The following PTPRJ variants were observed in gnomAD, a reference collection of about 807,000 sequenced individuals.
The protein encoded by PTPRJ is receptor-type tyrosine-protein phosphatase eta.
PTPRJ carries 129 observed loss-of-function variants against 141.3 expected under a neutral mutation model. That is an observed-to-expected ratio of 0.91 (90% CI 0.79 to 1.06). PTPRJ has a LOEUF of 1.06. Among genes scored for constraint, PTPRJ ranks in the 50% least tolerant of loss-of-function variants. The pLI, the probability that PTPRJ is intolerant of heterozygous loss-of-function variation, is 0.00. For missense variants in PTPRJ, 1,601 were observed against 1,679.7 expected, an observed-to-expected ratio of 0.95 and a Z score of 0.82; for synonymous variants, 610 against 640.5, an observed-to-expected ratio of 0.95 and a Z score of 0.72.
At chr11:48,008,132 T>C (rs1052074557) in intron 1 of PTPRJ, among the ~76,000 whole-genome samples, 11 of 152,198 alleles carry the variant, frequency 7.2e-5, no homozygotes, top group African/African-American at 1.4e-4. Context: ...AATCTGTTAC[T>C]TCTGGGGAAG....
intron 18 of PTPRJ, 64 bp downstream of exon 18, chr11:48,150,247 G>A: frequency 1.4e-6 from 2 of 1,400,350 alleles, no homozygotes; most frequent in Non-Finnish European, 2.0e-6. Flanking sequence ...GATCTGAGGG[G>A]AGTTGGTGGA....
At chr11:47,990,824 G>A (rs1034340980) in intron 1 of PTPRJ, among the ~76,000 whole-genome samples, 8 of 151,028 alleles carry the variant, frequency 5.3e-5, no homozygotes, top group East Asian at 1.9e-4. Flanking sequence ...GACTATAGGC[G>A]CCCGCCACTA....
At chr11:48,062,013 C>T (rs1323324039) in intron 1 of PTPRJ, among the ~76,000 whole-genome samples, 1 of 151,532 alleles carries the variant, frequency 6.6e-6, no homozygotes, top group East Asian at 1.9e-4. Context: ...CAAACGATCC[C>T]CCCACCTCAG....
intron 3 of PTPRJ, among the ~76,000 whole-genome samples, chr11:48,119,030 A>C (rs1856637359): frequency 6.6e-6 from 1 of 151,558 alleles, no homozygotes; most frequent in African/African-American, 2.4e-5. Context: ...AAAAAAAAAA[A>C]AAAAAAAAAA....
At chr11:48,009,269 A>G (rs1854710644) in intron 1 of PTPRJ, among the ~76,000 whole-genome samples, 1 of 152,242 alleles carries the variant, frequency 6.6e-6, no homozygotes, top group Non-Finnish European at 1.5e-5. Flanking sequence ...AGAAATTTAA[A>G]GACGCGAGCT....
intron 1 of PTPRJ, among the ~76,000 whole-genome samples, chr11:47,982,875 C>T (rs949922772): frequency 5.9e-5 from 9 of 151,860 alleles, no homozygotes; most frequent in East Asian, 3.9e-4. Flanking sequence ...TTCTGTAGAA[C>T]CTCAAAAGGA....
At chr11:48,000,974 C>A (rs1187456975) in intron 1 of PTPRJ, among the ~76,000 whole-genome samples, 1 of 148,794 alleles carries the variant, frequency 6.7e-6, no homozygotes, top group Non-Finnish European at 1.5e-5. Flanking sequence ...CTCTTCCAGT[C>A]CCATATAATT....
chr11:47,999,520 G>A (rs2134188155), intron 1 of PTPRJ, among the ~76,000 whole-genome samples: 1 of 152,300 alleles, frequency 6.6e-6, no homozygotes. Flanking sequence ...GCCCCTTTAA[G>A]TGGGCTCTTC....
At chr11:48,038,672 A>G (rs1241356188) in intron 1 of PTPRJ, among the ~76,000 whole-genome samples, 1 of 151,440 alleles carries the variant, frequency 6.6e-6, no homozygotes, top group Non-Finnish European at 1.5e-5. Flanking sequence ...TTGTATTTTT[A>G]GTAGAGACGG....
chr11:47,992,886 A>G lies in PTPRJ; in HGVS notation c.96+11878A>G, dbSNP rs1394260118. Among the ~76,000 whole-genome samples, 3 of 152,186 alleles carry G rather than the reference A, an allele frequency of 2.0e-5. No individual in the cohort carries two copies. In the East Asian group the frequency reaches 5.8e-4, roughly 29 times the overall value. On this transcript the variant is annotated intron_variant, in intron 1 of 24. Coordinates refer to ENST00000418331, the MANE Select transcript of PTPRJ (RefSeq NM_002843.4). ...TATGTGTGTATACTAAATTGCATAT[A>G]AAATGAATTTCTTATCATGGGTTCA... is the stretch of plus-strand genomic sequence containing the variant.
Position 48,167,842 on chromosome 11 carries a change from G to T in PTPRJ, c.*480G>T, listed in dbSNP as rs1223033371. On this transcript the variant is annotated 3_prime_UTR_variant, in exon 25 of 25. Coordinates refer to ENST00000418331, the MANE Select transcript of PTPRJ (RefSeq NM_002843.4). Reference sequence around the variant, plus strand: ...ATGATGATTGCGCAGGGAGGGGTACGTGGCACCTCTTCCGAATGGGTTTTC... The same window carrying T: ...ATGATGATTGCGCAGGGAGGGGTACTTGGCACCTCTTCCGAATGGGTTTTC... 6.6e-6 allele frequency: 1 copy of T among 152,496 alleles called. No individual in the cohort carries two copies. The highest frequency in any genetic ancestry group is 1.5e-5 in the Non-Finnish European group (1 of 68,326). 9.4% of individuals were successfully genotyped at this position (152,496 alleles called of 1,614,324 possible). A position where few individuals can be genotyped will look rare whatever the true frequency, so the allele number is the denominator to read the frequency against.
intron 1 of PTPRJ, among the ~76,000 whole-genome samples, chr11:48,102,965 TTGAG>T (rs1449106537): frequency 7.2e-5 from 11 of 152,078 alleles, no homozygotes; most frequent in Non-Finnish European, 2.9e-5. Flanking sequence ...GTGTTCTGGG[TTGAG>T]TTGCTAGACC....
chr11:48,056,625 G>A (rs1350863278), intron 1 of PTPRJ, among the ~76,000 whole-genome samples: 1 of 152,152 alleles, frequency 6.6e-6, no homozygotes, highest in East Asian at 1.9e-4. Context: ...AAAGCGATAA[G>A]GTAGGTGCTG....
intron 1 of PTPRJ, among the ~76,000 whole-genome samples, chr11:48,081,554 G>A (rs775700591): frequency 6.6e-6 from 1 of 152,118 alleles, no homozygotes; most frequent in Non-Finnish European, 1.5e-5. Context: ...TTCCCCGGCT[G>A]GCTTTTGTGT....
rs770846950 is a variant in PTPRJ at position 48,164,526 on chromosome 11, G to GATCTGTA, written c.3855+12_3855+18dup. On this transcript the variant is annotated intron_variant, in intron 24 of 24. Coordinates refer to ENST00000418331, the MANE Select transcript of PTPRJ (RefSeq NM_002843.4). ...ATGGTGCAGACAGAGGTGAGGCCAAGATCTGTATTTGACATTCCACCCTTC... is the reference window on the plus strand; with the variant it reads ...ATGGTGCAGACAGAGGTGAGGCCAAGATCTGTAATCTGTATTTGACATTCCACCCTTC... 18 of 1,432,446 alleles carry GATCTGTA rather than the reference G, an allele frequency of 1.3e-5. No individual in the cohort carries two copies. The South Asian group carries it at 2.0e-4, about 16-fold the overall frequency. 88.7% of individuals were successfully genotyped at this position (1,432,446 alleles called of 1,614,324 possible). A position where few individuals can be genotyped will look rare whatever the true frequency, so the allele number is the denominator to read the frequency against.
intron 1 of PTPRJ, among the ~76,000 whole-genome samples, chr11:48,098,192 C>T (rs12574209): frequency 0.15 from 22,533 of 152,212 alleles, 1,758 homozygotes; most frequent in East Asian, 0.28. Flanking sequence ...CTGTTCCAGG[C>T]CCTGAAAATC....
At position 48,123,776 on chromosome 11, in the gene PTPRJ, G is replaced by A. The variant is rs542341972; in HGVS notation, c.780G>A (p.Ser260=). The A allele has an allele frequency of 5.6e-6, 9 of 1,614,048 alleles. No homozygotes were observed. Among genetic ancestry groups the A allele is most frequent in the African/African-American group, 5.3e-5 (4 of 75,002 alleles). ...TQDSRLQVNI[S]GLKPGVQYNI... Reference sequence around the variant, plus strand: ...ACTCAAGACTTCAGGTCAATATCTCGGGCCTGAAGCCAGGGGTTCAATACA... The same window carrying A: ...ACTCAAGACTTCAGGTCAATATCTCAGGCCTGAAGCCAGGGGTTCAATACA... The change falls in exon 5 of 25, where the codon TCG becomes TCA. Residue 260 remains serine (S), a synonymous_variant. Transcript: ENST00000418331.
At chr11:48,159,100 G>A in intron 21 of PTPRJ, among the ~76,000 whole-genome samples, 1 of 140,764 alleles carries the variant, frequency 7.1e-6, no homozygotes, top group African/African-American at 2.7e-5. Flanking sequence ...TATGTGGGGT[G>A]TGTGTGTGTG....
chr11:48,142,796 ACGAGCC>A, intron 11 of PTPRJ, 117 bp from the exon 12 acceptor site: 1 of 1,234,814 alleles, frequency 8.1e-7, no homozygotes, highest in Non-Finnish European at 1.1e-6. Flanking sequence ...GCTGTTTTGC[ACGAGCC>A]CAGCATGTAG....
Sources: gnomAD v4.1 joint callset for allele counts (sites outside exome capture counted in the v4.1 genomes callset) on GRCh38, gnomAD v4.1.1 for gene constraint, MANE v1.5 for transcripts, NCBI Gene and HGNC (gene_info 2026-07-23, HGNC 2026-07-21) for gene names.